Variants in MYRIP observed in about 807,000 individuals in gnomAD.
MYRIP encodes the protein myosin VIIA and Rab interacting protein.
A neutral mutation model predicts 98.0 loss-of-function variants in MYRIP; 49 were observed. The observed-to-expected ratio is 0.50, with a 90% CI of 0.40 to 0.63. The LOEUF (loss-of-function observed/expected upper bound fraction) is 0.63, where lower values mean the gene tolerates loss of function less well. MYRIP is among the 30% of genes least tolerant of loss of function. The pLI is 0.00. For synonymous variants in MYRIP, 404 were observed against 409.5 expected (o/e 0.99, Z 0.16); for missense variants, 1,004 against 1,058.2 (o/e 0.95, Z 0.71).
chr3:40,218,568 C>T (rs1952197878), intron 11 of MYRIP, among the ~76,000 whole-genome samples: 1 of 74,484 alleles, frequency 1.3e-5, no homozygotes, highest in African/African-American at 5.2e-5. Flanking sequence ...TATACATACA[C>T]ACATACACAT....
chr3:40,093,044 C>T (rs901470177), intron 3 of MYRIP, among the ~76,000 whole-genome samples: 11 of 152,172 alleles, frequency 7.2e-5, no homozygotes, highest in African/African-American at 2.7e-4. Context: ...GAACCCCTCC[C>T]TGTTAACCTC....
intron 3 of MYRIP, among the ~76,000 whole-genome samples, chr3:40,086,018 A>G (rs1948618019): frequency 6.6e-6 from 1 of 152,216 alleles, no homozygotes; most frequent in South Asian, 2.1e-4. Context: ...CAACCACTAC[A>G]GAAAGTATAT....
intron 11 of MYRIP, among the ~76,000 whole-genome samples, chr3:40,223,576 C>T (rs1401730746): frequency 3.3e-5 from 5 of 152,160 alleles, no homozygotes; most frequent in South Asian, 2.1e-4. Context: ...TTAATTTTCA[C>T]CCCAATGAAG....
chr3:40,016,656 C>A (rs1024191767), intron 2 of MYRIP, among the ~76,000 whole-genome samples: 2 of 152,220 alleles, frequency 1.3e-5, no homozygotes, highest in African/African-American at 4.8e-5. Flanking sequence ...GAGGGAATTC[C>A]TTTCAACACA....
intron 2 of MYRIP, among the ~76,000 whole-genome samples, chr3:39,984,930 G>C (rs1317862981): frequency 6.6e-6 from 1 of 151,350 alleles, no homozygotes; most frequent in East Asian, 1.9e-4. Context: ...TAACTGGTGT[G>C]AGATGGTATC....
intron 1 of MYRIP, among the ~76,000 whole-genome samples, chr3:39,848,416 AT>A (rs1942036269): frequency 6.6e-6 from 1 of 152,156 alleles, no homozygotes. Context: ...AGTTACACTC[AT>A]TTTTAAGAAA....
At chr3:40,143,396 C>T (rs922117672) in intron 3 of MYRIP, among the ~76,000 whole-genome samples, 2 of 152,166 alleles carry the variant, frequency 1.3e-5, no homozygotes, top group Non-Finnish European at 1.5e-5. Flanking sequence ...CCAGTCCACC[C>T]GGGGTGCTGG....
intron 1 of MYRIP, among the ~76,000 whole-genome samples, chr3:39,837,630 A>T (rs1006570438): frequency 6.6e-6 from 1 of 152,200 alleles, no homozygotes; most frequent in African/African-American, 2.4e-5. Flanking sequence ...CTTGTAGTAT[A>T]GTTTGAAGTC....
At chr3:39,904,708 A>C (rs1442396977) in intron 2 of MYRIP, among the ~76,000 whole-genome samples, 1 of 152,154 alleles carries the variant, frequency 6.6e-6, no homozygotes, top group Non-Finnish European at 1.5e-5. Context: ...ACTGTCTGCT[A>C]CAGCTCACAG....
chr3:40,238,841 C>G (rs1952904850), intron 12 of MYRIP: 1 of 152,218 alleles, frequency 6.6e-6, no homozygotes, highest in East Asian at 1.9e-4. Context: ...CATATCCAAT[C>G]TCCTGTTTTC....
intron 3 of MYRIP, among the ~76,000 whole-genome samples, chr3:40,136,693 C>T (rs991592807): frequency 2.0e-5 from 3 of 152,102 alleles, no homozygotes; most frequent in African/African-American, 7.2e-5. Flanking sequence ...TCTCTCAGAC[C>T]ACAGTGCAAT....
At position 39,932,607 on chromosome 3, in the gene MYRIP, G is replaced by A. The variant is rs572859608; in HGVS notation, c.110+31681G>A. Among the ~76,000 whole-genome samples, 209 of 151,988 alleles carry A rather than the reference G, an allele frequency of 1.4e-3. 4 individuals carry two copies. The South Asian group carries it at 0.042, about 30-fold the overall frequency. ...TCACCATGTTAGCCAGGATGGTCTC[G>A]ATCTCCTGACATCGTGATCTACCCG... On this transcript the variant is annotated intron_variant, in intron 2 of 16. Transcript: ENST00000302541.
chr3:40,125,967 C>T (rs1183620035), intron 3 of MYRIP, among the ~76,000 whole-genome samples: 1 of 152,162 alleles, frequency 6.6e-6, no homozygotes, highest in Non-Finnish European at 1.5e-5. Context: ...GATTCTCAGC[C>T]TCTCTTGACT....
chr3:40,112,672 C>T (rs1236095549), intron 3 of MYRIP, among the ~76,000 whole-genome samples: 2 of 152,172 alleles, frequency 1.3e-5, no homozygotes, highest in Non-Finnish European at 2.9e-5. Flanking sequence ...CATATTGGCA[C>T]GTGCAGCCCT....
chr3:39,840,033 T>G (rs1941750151), intron 1 of MYRIP, among the ~76,000 whole-genome samples: 1 of 152,142 alleles, frequency 6.6e-6, no homozygotes, highest in Non-Finnish European at 1.5e-5. Context: ...CCTTGTTAAT[T>G]TTCTGTCTCA....
At chr3:39,998,327 A>G (rs1379957075) in intron 2 of MYRIP, among the ~76,000 whole-genome samples, 1 of 152,238 alleles carries the variant, frequency 6.6e-6, no homozygotes, top group Non-Finnish European at 1.5e-5. Flanking sequence ...AGGCAACTTC[A>G]GCAAAGTCTC....
At chr3:39,967,917 C>A (rs1945480468) in intron 2 of MYRIP, among the ~76,000 whole-genome samples, 1 of 152,144 alleles carries the variant, frequency 6.6e-6, no homozygotes, top group South Asian at 2.1e-4. Context: ...CCTCTGCCCA[C>A]TTTTTAATGG....
intron 2 of MYRIP, among the ~76,000 whole-genome samples, chr3:39,986,383 C>T (rs1002065247): frequency 2.0e-5 from 3 of 151,390 alleles, no homozygotes; most frequent in Admixed American, 1.3e-4. Context: ...TCAAACATTT[C>T]TCTCTGTCTC....
chr3:40,023,175 A>G (rs1040275056), intron 2 of MYRIP, among the ~76,000 whole-genome samples: 1 of 152,238 alleles, frequency 6.6e-6, no homozygotes, highest in African/African-American at 2.4e-5. Flanking sequence ...CACTGGTGTC[A>G]GGAGAACAGA....
Sources: allele counts gnomAD v4.1 joint callset (sites outside exome capture counted in the v4.1 genomes callset), GRCh38; gene constraint gnomAD v4.1.1; transcripts MANE v1.5; gene names NCBI Gene and HGNC (gene_info 2026-07-23, HGNC 2026-07-21).